NEDD9: variants seen among roughly 807,000 people sequenced by gnomAD.
NEDD9 encodes enhancer of filamentation 1.
Under a neutral mutation model 76.6 loss-of-function variants are expected in NEDD9, and 26 were observed. That is an observed-to-expected ratio of 0.34 (90% CI 0.25 to 0.47). The LOEUF (loss-of-function observed/expected upper bound fraction) is 0.47. Among genes scored for constraint, NEDD9 ranks in the 20% least tolerant of loss-of-function variants. The pLI, the probability that NEDD9 is intolerant of heterozygous loss-of-function variation, is 1.00. For synonymous variants in NEDD9, 392 were observed against 414.2 expected, an observed-to-expected ratio of 0.95 and a Z score of 0.65; for missense variants, 937 against 1,058.5, an observed-to-expected ratio of 0.89 and a Z score of 1.59.
At chr6:11,214,724 G>A (rs914679738) in intron 1 of NEDD9, among the ~76,000 whole-genome samples, 3 of 152,210 alleles carry the variant, frequency 2.0e-5, no homozygotes, top group African/African-American at 4.8e-5. Flanking sequence ...AGCCATTCCC[G>A]CATGTCTGCC....
intron 1 of NEDD9, among the ~76,000 whole-genome samples, chr6:11,231,341 C>A (rs1332112027): frequency 6.6e-6 from 1 of 152,200 alleles, no homozygotes; most frequent in East Asian, 1.9e-4. Context: ...AGACTTAAAG[C>A]TTTTGAATAA....
intron 1 of NEDD9, among the ~76,000 whole-genome samples, chr6:11,223,348 C>G (rs1342605235): frequency 6.6e-6 from 1 of 152,122 alleles, no homozygotes; most frequent in Admixed American, 6.5e-5. Flanking sequence ...AGATTATTTA[C>G]TCCAAATGCT....
intron 3 of NEDD9, among the ~76,000 whole-genome samples, chr6:11,246,057 G>T (rs374372584): frequency 2.0e-5 from 3 of 151,978 alleles, no homozygotes; most frequent in Non-Finnish European, 4.4e-5. Context: ...TTTTTCGGGT[G>T]GGGGAGCGGG....
chr6:11,268,509 C>A (rs1760241762), intron 3 of NEDD9, among the ~76,000 whole-genome samples: 2 of 152,056 alleles, frequency 1.3e-5, no homozygotes, highest in African/African-American at 4.8e-5. Flanking sequence ...GGGCAGATCA[C>A]CTGAGGTCAG....
chr6:11,215,638 C>T (rs1489233460), intron 1 of NEDD9, among the ~76,000 whole-genome samples: 1 of 152,188 alleles, frequency 6.6e-6, no homozygotes, highest in Non-Finnish European at 1.5e-5. Context: ...CAGAGCTGTA[C>T]TGAGATTATT....
rs142814091 is a variant in NEDD9 at position 11,377,129 on chromosome 6, T to C, written c.-214+5010A>G. Among the ~76,000 whole-genome samples, 409 of 152,294 alleles carry C rather than the reference T, an allele frequency of 2.7e-3. 5 individuals carry two copies. The highest frequency in any genetic ancestry group is 9.6e-4 in the East Asian group (5 of 5,182). ...AAGCCTGGGTGCTCAGGCAGAAGCC[T>C]ACTGCAGAGGCAGAGGCCCCACAGA... On this transcript the variant is annotated intron_variant, in intron 1 of 3. Transcript: ENST00000397378.
chr6:11,230,071 T>G (rs1581972372), intron 1 of NEDD9, among the ~76,000 whole-genome samples: 1 of 152,254 alleles, frequency 6.6e-6, no homozygotes, highest in African/African-American at 2.4e-5. Flanking sequence ...AGATAATTCC[T>G]GTCTCTGGGA....
intron 3 of NEDD9, among the ~76,000 whole-genome samples, chr6:11,299,871 C>T (rs1025032454): frequency 6.6e-6 from 1 of 152,084 alleles, no homozygotes; most frequent in African/African-American, 2.4e-5. Context: ...ATGTCAAAGT[C>T]CAAAGGTAGA....
chr6:11,191,078 G>C lies in NEDD9; in HGVS notation c.791C>G (p.Pro264Arg). The stretch of plus-strand genomic sequence containing the variant: ...CCCTGCTGGCTTGGTGCAGGTTGGA[G>C]GAATGTCATAAACCCCCTCCGGTCT... ...DLRPEGVYDIPPTCTKPAGKD... is the reference protein window; with the variant it reads ...DLRPEGVYDIRPTCTKPAGKD... Residue 264 changes from proline (P) to arginine (R), a missense_variant, in exon 5 of 7, where the codon CCT (proline) becomes CGT (arginine). Physicochemically the swap from Pro to Arg is moderately radical, Grantham distance 103. Transcript: ENST00000379446. The C allele has an allele frequency of 6.2e-7, 1 of 1,613,976 alleles. No homozygotes were observed. Among genetic ancestry groups the C allele is most frequent in the Non-Finnish European group, 8.5e-7 (1 of 1,180,000 alleles).
intron 3 of NEDD9, among the ~76,000 whole-genome samples, chr6:11,302,763 A>T (rs978600632): frequency 6.6e-6 from 1 of 152,178 alleles, no homozygotes; most frequent in East Asian, 1.9e-4. Flanking sequence ...AATGACAAAA[A>T]CCACATGATC....
At chr6:11,291,685 G>A (rs1022151269) in intron 3 of NEDD9, among the ~76,000 whole-genome samples, 2 of 152,184 alleles carry the variant, frequency 1.3e-5, no homozygotes, top group African/African-American at 4.8e-5. Flanking sequence ...CCAAGTGGGC[G>A]TTGGATAATA....
At chr6:11,319,616 C>G (rs1415968807) in intron 2 of NEDD9, among the ~76,000 whole-genome samples, 3 of 99,410 alleles carry the variant, frequency 3.0e-5, no homozygotes, top group Non-Finnish European at 4.0e-5. Context: ...CACACTCACA[C>G]TCACACACAC....
chr6:11,219,058 T>G (rs887134149), intron 1 of NEDD9, among the ~76,000 whole-genome samples: 1 of 152,172 alleles, frequency 6.6e-6, no homozygotes, highest in African/African-American at 2.4e-5. Context: ...CCAGACCACT[T>G]GGGTTCTGCT....
intron 3 of NEDD9, among the ~76,000 whole-genome samples, chr6:11,284,301 A>G (rs1051608934): frequency 2.0e-5 from 3 of 151,918 alleles, no homozygotes; most frequent in Non-Finnish European, 2.9e-5. Flanking sequence ...CACGCCTGTA[A>G]TCCCAGCACT....
chr6:11,187,388 T>C (rs1190706177), intron 6 of NEDD9, among the ~76,000 whole-genome samples: 2 of 152,200 alleles, frequency 1.3e-5, no homozygotes, highest in Non-Finnish European at 2.9e-5. Context: ...ACCCAGCTTT[T>C]GAATGAACAT....
At chr6:11,266,051 G>C (rs535566332) in intron 3 of NEDD9, among the ~76,000 whole-genome samples, 124 of 152,180 alleles carry the variant, frequency 8.1e-4, no homozygotes, top group African/African-American at 2.9e-3. Context: ...GGGGTGGGAA[G>C]GGAGGGGACC....
At chr6:11,357,230 G>A (rs1004073181) in intron 1 of NEDD9, among the ~76,000 whole-genome samples, 5 of 152,128 alleles carry the variant, frequency 3.3e-5, no homozygotes, top group Admixed American at 2.0e-4. Flanking sequence ...TACTCCTGTG[G>A]ATAAACTTGT....
chr6:11,305,032 A>C, intron 3 of NEDD9: 1 of 1,222,776 alleles, frequency 8.2e-7, no homozygotes, highest in Non-Finnish European at 1.1e-6. Flanking sequence ...TACTTATCAA[A>C]TTATTTAAAG....
chr6:11,365,258 A>G (rs1012502), intron 1 of NEDD9, among the ~76,000 whole-genome samples: 111,798 of 152,072 alleles, frequency 0.74, 42,191 homozygotes, highest in African/African-American at 0.9. Context: ...AGTGACCCCA[A>G]CATTCCATAG....
Sources: gnomAD v4.1 joint callset for allele counts (sites outside exome capture counted in the v4.1 genomes callset) on GRCh38, gnomAD v4.1.1 for gene constraint, MANE v1.5 for transcripts, NCBI Gene and HGNC (gene_info 2026-07-23, HGNC 2026-07-21) for gene names.